Variants in STON2 observed in about 807,000 individuals in gnomAD.
STON2 encodes stonin 2.
A neutral mutation model predicts 65.7 loss-of-function variants in STON2; 29 were observed. The observed-to-expected ratio is 0.44, with a 90% CI of 0.33 to 0.60. STON2 has a LOEUF of 0.60. STON2 is among the 20% of genes least tolerant of loss of function. STON2 has a pLI of 0.03. For missense variants in STON2, 1,054 were observed against 1,118.1 expected, an observed-to-expected ratio of 0.94 and a Z score of 0.82; for synonymous variants, 404 against 414.2, an observed-to-expected ratio of 0.98 and a Z score of 0.30.
At chr14:81,431,675 G>A (rs1424026342) in intron 1 of STON2, among the ~76,000 whole-genome samples, 1 of 152,070 alleles carries the variant, frequency 6.6e-6, no homozygotes, top group Non-Finnish European at 1.5e-5. Context: ...CTACTAGGGA[G>A]GCTGAGGCAA....
intron 3 of STON2, among the ~76,000 whole-genome samples, chr14:81,387,224 G>T (rs1899856099): frequency 1.3e-5 from 2 of 151,336 alleles, no homozygotes; most frequent in South Asian, 2.1e-4. Context: ...TATGCATCTA[G>T]TTCAGAGTTC....
intron 3 of STON2, among the ~76,000 whole-genome samples, chr14:81,385,649 A>C (rs1899764530): frequency 1.3e-5 from 2 of 152,230 alleles, no homozygotes; most frequent in South Asian, 4.1e-4. Context: ...ACAGCTCATT[A>C]GCCCCACAAA....
chr14:81,326,071 G>C (rs933220044), intron 4 of STON2, among the ~76,000 whole-genome samples: 1 of 152,086 alleles, frequency 6.6e-6, no homozygotes, highest in Non-Finnish European at 1.5e-5. Context: ...TTTACAGATC[G>C]AGAGAGCAAC....
At chr14:81,387,823 G>A (rs1332493477) in intron 3 of STON2, among the ~76,000 whole-genome samples, 13 of 151,038 alleles carry the variant, frequency 8.6e-5, no homozygotes, top group East Asian at 2.0e-4. Flanking sequence ...ACCCAGAAGC[G>A]GAGGTTGCAG....
At chr14:81,418,559 A>C (rs1369421931) in intron 2 of STON2, among the ~76,000 whole-genome samples, 1 of 152,236 alleles carries the variant, frequency 6.6e-6, no homozygotes, top group African/African-American at 2.4e-5. Flanking sequence ...CTTTGTAAAA[A>C]AAAGGCAAAA....
At chr14:81,415,368 G>T (rs1381104886) in intron 2 of STON2, among the ~76,000 whole-genome samples, 1 of 152,044 alleles carries the variant, frequency 6.6e-6, no homozygotes, top group African/African-American at 2.4e-5. Flanking sequence ...AGTAGTCTGG[G>T]ATTCTAACTA....
intron 7 of STON2, 43 bp downstream of exon 7, chr14:81,270,627 C>CA: frequency 6.2e-7 from 1 of 1,614,076 alleles, no homozygotes; most frequent in East Asian, 2.2e-5. Flanking sequence ...GTGGGGTGAA[C>CA]AAATGGAGTT....
intron 5 of STON2, among the ~76,000 whole-genome samples, chr14:81,286,602 T>A (rs1175914289): frequency 1.3e-5 from 2 of 152,198 alleles, no homozygotes; most frequent in Non-Finnish European, 2.9e-5. Context: ...AACAAAAAAA[T>A]ATGTGTGACT....
At chr14:81,318,355 T>G (rs1348392373) in intron 5 of STON2, among the ~76,000 whole-genome samples, 1 of 152,098 alleles carries the variant, frequency 6.6e-6, no homozygotes, top group Non-Finnish European at 1.5e-5. Context: ...AGAAGACGGC[T>G]CCAGAGGATG....
chr14:81,336,173 A>G (rs1453305705), intron 4 of STON2, among the ~76,000 whole-genome samples: 1 of 152,234 alleles, frequency 6.6e-6, no homozygotes, highest in Non-Finnish European at 1.5e-5. Flanking sequence ...GGCACGCCGT[A>G]CAATAGCTGA....
At chr14:81,396,223 C>A in intron 2 of STON2, 45 bp from the exon 3 acceptor site, 2 of 1,543,812 alleles carry the variant, frequency 1.3e-6, no homozygotes, top group South Asian at 2.5e-5. Flanking sequence ...GAAGGCCGCT[C>A]TTCAGAGCCA....
At chr14:81,346,677 CACAAA>C (rs1897821672) in intron 4 of STON2, among the ~76,000 whole-genome samples, 1 of 152,094 alleles carries the variant, frequency 6.6e-6, no homozygotes, top group South Asian at 2.1e-4. Context: ...TATGTTAGAC[CACAAA>C]ACAAGTCTCA....
chr14:81,358,828 T>A (rs10450894), intron 4 of STON2, among the ~76,000 whole-genome samples: 46,343 of 152,060 alleles, frequency 0.3, 7,316 homozygotes, highest in East Asian at 0.4. Flanking sequence ...GGTCAATTCA[T>A]CAAGAGAATA....
At chr14:81,372,526 G>A (rs1296806337) in intron 3 of STON2, among the ~76,000 whole-genome samples, 1 of 136,852 alleles carries the variant, frequency 7.3e-6, no homozygotes, top group Non-Finnish European at 1.5e-5. Context: ...CTCCAGCCTA[G>A]ACAACAAGAG....
chr14:81,436,341 T>C (rs1902426467), exon 1 of STON2: 1 of 151,324 alleles, frequency 6.6e-6, no homozygotes, highest in East Asian at 2.0e-4. Context: ...GTCCGCAGGG[T>C]CCCCGGCGTC....
At chr14:81,323,642 C>T (rs1489796219) in intron 5 of STON2, 2 of 152,182 alleles carry the variant, frequency 1.3e-5, no homozygotes, top group Non-Finnish European at 2.9e-5. Context: ...ACTTAAGCTA[C>T]ATTTCAATTA....
At chr14:81,352,166 C>T (rs529792899) in intron 4 of STON2, among the ~76,000 whole-genome samples, 1 of 151,886 alleles carries the variant, frequency 6.6e-6, no homozygotes, top group Non-Finnish European at 1.5e-5. Context: ...TATAATAATG[C>T]TATCATTATT....
intron 1 of STON2, among the ~76,000 whole-genome samples, chr14:81,431,016 G>C (rs1902203574): frequency 6.6e-6 from 1 of 152,292 alleles, no homozygotes; most frequent in East Asian, 1.9e-4. Context: ...GGAGGGAACT[G>C]TGGTAGTTCA....
In STON2 at chr14:81,268,311, G is replaced by C. The variant is rs1894436404; in HGVS notation, c.*103C>G. On this transcript the variant is annotated 3_prime_UTR_variant, in exon 8 of 8. Coordinates refer to ENST00000614646, the MANE Select transcript of STON2 (RefSeq NM_001394390.1). The stretch of plus-strand genomic sequence containing the variant: ...TTCCCAACATGCAGTGGCCACAGCA[G>C]GTATTGACTGCAACTTCAGCTACTC... 1 of 1,257,854 alleles carries C rather than the reference G, an allele frequency of 8.0e-7. No homozygotes were observed. The allele number at this position is 1,257,854 out of a possible 1,614,324, so 77.9% of individuals were successfully genotyped here. A position where few individuals can be genotyped will look rare whatever the true frequency, so the allele number is the denominator to read the frequency against.
Sources: gnomAD v4.1 joint callset for allele counts (sites outside exome capture counted in the v4.1 genomes callset) on GRCh38, gnomAD v4.1.1 for gene constraint, MANE v1.5 for transcripts, NCBI Gene and HGNC (gene_info 2026-07-23, HGNC 2026-07-21) for gene names.